The following ANKRD26 variants were observed in gnomAD, a reference collection of about 807,000 sequenced individuals.
ANKRD26 encodes the protein ankyrin repeat domain 26.
In ANKRD26, 141 loss-of-function variants were observed where a neutral mutation model predicts 208.7. The ratio of observed to expected loss-of-function variants is 0.68; its 90% CI spans 0.59 to 0.78. ANKRD26 has a LOEUF of 0.78. ANKRD26 is among the 30% of genes least tolerant of loss of function. The pLI is 0.00. For missense variants in ANKRD26, 1,889 were observed against 1,938.7 expected (o/e 0.97, Z 0.48); for synonymous variants, 636 against 660.4 (o/e 0.96, Z 0.57).
At chr10:27,097,268 G>A (rs1011548841) in intron 1 of ANKRD26, among the ~76,000 whole-genome samples, 5 of 150,798 alleles carry the variant, frequency 3.3e-5, no homozygotes, top group Admixed American at 1.3e-4. Context: ...AAGGTCAGGA[G>A]ATCGAGACCA....
intron 4 of ANKRD26, among the ~76,000 whole-genome samples, chr10:27,087,308 T>C (rs2056155301): frequency 6.6e-6 from 1 of 152,198 alleles, no homozygotes; most frequent in African/African-American, 2.4e-5. Context: ...CTTATTTCAC[T>C]AGGGTTATAA....
chr10:26,988,994 A>G (rs1256582100), downstream of ANKRD26, among the ~76,000 whole-genome samples: 1 of 152,154 alleles, frequency 6.6e-6, no homozygotes, highest in East Asian at 1.9e-4. Context: ...GGTACAGGAA[A>G]TAATGAGGAC....
chr10:27,082,507 C>T (rs886194306), intron 6 of ANKRD26, among the ~76,000 whole-genome samples: 15 of 152,162 alleles, frequency 9.9e-5, no homozygotes, highest in African/African-American at 2.4e-5. Context: ...CTTGATCCAG[C>T]ACCGCACAGG....
chr10:26,951,650 T>A, the ANKRD26 span, among the ~76,000 whole-genome samples: 1 of 152,236 alleles, frequency 6.6e-6, no homozygotes, highest in Non-Finnish European at 1.5e-5. Flanking sequence ...CGCCTGAGAA[T>A]TTAAAAGTCT....
chr10:26,952,372 T>C, the ANKRD26 span, among the ~76,000 whole-genome samples: 1 of 152,136 alleles, frequency 6.6e-6, no homozygotes, highest in Non-Finnish European at 1.5e-5. Flanking sequence ...AAACAAATCC[T>C]GGGTTTTATG....
chr10:27,076,451 G>C (rs1683722447), intron 9 of ANKRD26, among the ~76,000 whole-genome samples: 1 of 152,002 alleles, frequency 6.6e-6, no homozygotes, highest in Non-Finnish European at 1.5e-5. Flanking sequence ...TTTTAGTAGA[G>C]ACGGAGTTTC....
At chr10:26,992,501 C>G (rs1389543118) in intron 5 of ANKRD26, among the ~76,000 whole-genome samples, 1 of 149,974 alleles carries the variant, frequency 6.7e-6, no homozygotes, top group African/African-American at 2.5e-5. Context: ...CACACACACA[C>G]ACACACAGAG....
intron 18 of ANKRD26, among the ~76,000 whole-genome samples, chr10:27,045,954 T>C (rs558273329): frequency 1.3e-5 from 2 of 152,346 alleles, no homozygotes; most frequent in African/African-American, 4.8e-5. Context: ...TTCTGAGGCT[T>C]TGACATGCAA....
In ANKRD26 at chr10:27,005,341, G is replaced by A. The variant is rs1004848805; in HGVS notation, c.*249C>T. 129 of 1,181,126 alleles carry A rather than the reference G, an allele frequency of 1.1e-4. No individual in the cohort carries two copies. Among genetic ancestry groups the A allele is most frequent in the African/African-American group, 1.6e-4 (10 of 62,816 alleles). 73.2% of individuals were successfully genotyped at this position (1,181,126 alleles called of 1,614,324 possible). ...ACTAAAGTATTAATGACAACTTAGTGGTTTGGCTGTTTAAACAGCTCACAT... is the reference window on the plus strand; with the variant it reads ...ACTAAAGTATTAATGACAACTTAGTAGTTTGGCTGTTTAAACAGCTCACAT... On this transcript the variant is annotated 3_prime_UTR_variant, in exon 34 of 34. Coordinates refer to ENST00000376087, the MANE Select transcript of ANKRD26 (RefSeq NM_014915.3).
chr10:27,079,281 C>T, intron 6 of ANKRD26, 120 bp from the exon 7 acceptor site: 1 of 744,758 alleles, frequency 1.3e-6, no homozygotes, highest in Non-Finnish European at 2.3e-6. Flanking sequence ...GGTGAAAGGT[C>T]AACTGTCTGC....
chr10:26,994,512 G>A (rs1324952154), intron 5 of ANKRD26, among the ~76,000 whole-genome samples: 2 of 151,930 alleles, frequency 1.3e-5, no homozygotes, highest in South Asian at 4.1e-4. Context: ...TTTCCAAGTA[G>A]ATTTCCCTCT....
intron 16 of ANKRD26, among the ~76,000 whole-genome samples, chr10:27,050,847 A>G (rs1417547973): frequency 6.6e-6 from 1 of 152,198 alleles, no homozygotes; most frequent in Non-Finnish European, 1.5e-5. Context: ...TGGAAGACTG[A>G]TAGACTTCTT....
chr10:27,096,780 A>C (rs1340497713), intron 1 of ANKRD26, among the ~76,000 whole-genome samples: 1 of 151,670 alleles, frequency 6.6e-6, no homozygotes, highest in African/African-American at 2.4e-5. Flanking sequence ...AAAAAAAAAA[A>C]AGAAAAAAAA....
downstream of ANKRD26, among the ~76,000 whole-genome samples, chr10:26,969,248 C>T (rs977954977): frequency 5.9e-5 from 9 of 152,112 alleles, no homozygotes; most frequent in Non-Finnish European, 1.0e-4. Flanking sequence ...TCCAGGCTGT[C>T]AGGAAATATC....
At chr10:27,100,056 A>G in intron 1 of ANKRD26, 29 bp downstream of exon 1, 1 of 1,612,912 alleles carries the variant, frequency 6.2e-7, no homozygotes, top group Middle Eastern at 1.6e-4. Context: ...CTCCAGTGGC[A>G]CTCAGTCCGG....
chr10:27,084,197 A>G (rs1176489410), intron 5 of ANKRD26, among the ~76,000 whole-genome samples: 1 of 150,110 alleles, frequency 6.7e-6, no homozygotes, highest in Non-Finnish European at 1.5e-5. Flanking sequence ...CAGCCTGGGC[A>G]ACAAGAGCAA....
intron 32 of ANKRD26, among the ~76,000 whole-genome samples, chr10:27,008,897 T>C (rs1041498826): frequency 1.2e-4 from 18 of 152,174 alleles, no homozygotes; most frequent in Non-Finnish European, 2.9e-5. Flanking sequence ...TTGAGTGTAG[T>C]GGAGTAATCT....
intron 9 of ANKRD26, among the ~76,000 whole-genome samples, chr10:27,074,428 C>G (rs2055617265): frequency 6.6e-6 from 1 of 152,208 alleles, no homozygotes. Context: ...CGGCTGCAAT[C>G]CCAGCACTTT....
rs1276406141 is a variant in ANKRD26 at position 27,077,640 on chromosome 10, C to T, written c.867G>A (p.Arg289=). 6.2e-7 allele frequency: 1 copy of T among 1,613,396 alleles called. No homozygotes were observed. Among genetic ancestry groups the T allele is most frequent in the Non-Finnish European group, 8.5e-7 (1 of 1,179,878 alleles). The change falls in exon 8 of 34, where the codon AGG becomes AGA. Residue 289 remains arginine, a synonymous_variant. Coordinates refer to ENST00000376087, the MANE Select transcript of ANKRD26 (RefSeq NM_014915.3). ...AKLMTASQQS[R]KNLEATYGTV... is the part of the protein sequence containing the mutation. Reference sequence around the variant, plus strand: ...AGTTTTCAAACAGCTTACAATTTTTCCTGGATTGCTGAGAAGCAGTCATTA... The same window carrying T: ...AGTTTTCAAACAGCTTACAATTTTTTCTGGATTGCTGAGAAGCAGTCATTA...
Sources: allele counts gnomAD v4.1 joint callset (sites outside exome capture counted in the v4.1 genomes callset), GRCh38; gene constraint gnomAD v4.1.1; transcripts MANE v1.5; gene names NCBI Gene and HGNC (gene_info 2026-07-23, HGNC 2026-07-21).